FAR1: variants seen among roughly 807,000 people sequenced by gnomAD.
FAR1 encodes the protein fatty acyl-CoA reductase 1.
A neutral mutation model predicts 61.1 loss-of-function variants in FAR1; 22 were observed. The observed-to-expected ratio is 0.36, with a 90% CI of 0.26 to 0.51. FAR1 has a LOEUF of 0.51. FAR1 is among the 20% of genes least tolerant of loss of function. The pLI, the probability that FAR1 is intolerant of heterozygous loss-of-function variation, is 0.95. For synonymous variants in FAR1, 206 were observed against 209.7 expected (o/e 0.98, Z 0.15); for missense variants, 359 against 626.9 (o/e 0.57, Z 4.56).
intron 1 of FAR1, among the ~76,000 whole-genome samples, chr11:13,688,713 T>A (rs1375925866): frequency 1.3e-5 from 2 of 152,224 alleles, no homozygotes; most frequent in African/African-American, 2.4e-5. Flanking sequence ...CAGTATACTA[T>A]TTAATATATA....
At chr11:13,703,059 C>G (rs573427900) in intron 3 of FAR1, among the ~76,000 whole-genome samples, 1 of 152,304 alleles carries the variant, frequency 6.6e-6, no homozygotes, top group Admixed American at 6.5e-5. Flanking sequence ...TTCTGGGAAG[C>G]AATTTTAATG....
chr11:13,728,749 G>T lies in FAR1; in HGVS notation c.1523G>T (p.Arg508Leu). The change falls in exon 12 of 12, where the codon CGA becomes CTA. Residue 508 changes from arginine to leucine, a missense_variant. Arg to Leu is a moderately radical substitution (Grantham distance 102, BLOSUM62 -2). This residue lies in a region of FAR1 where 15 missense variants were observed against 56.5 expected (regional missense o/e 0.27). Coordinates refer to ENST00000354817, the MANE Select transcript of FAR1 (RefSeq NM_032228.6). ...TGTTACAAGTTTTTGTCATACTTCC[G>T]AGCATCCAGCACTATGAGATACTGA... Reference protein sequence around the residue: ...SLCYKFLSYFRASSTMRY With the variant: ...SLCYKFLSYFLASSTMRY The T allele has an allele frequency of 6.2e-7, 1 of 1,611,808 alleles. No individual in the cohort carries two copies. Among genetic ancestry groups the T allele is most frequent in the South Asian group, 1.1e-5 (1 of 91,002 alleles).
At position 13,730,898 on chromosome 11, in the gene FAR1, G is replaced by A. The variant is rs1848717942; in HGVS notation, c.*2124G>A. On this transcript the variant is annotated 3_prime_UTR_variant, in exon 12 of 12. Transcript: ENST00000354817. ...TCTAGAATTTAAAGTTCTAAGATTAGTATAAAGAGTATATAGATTGTTAAT... is the reference window on the plus strand; with the variant it reads ...TCTAGAATTTAAAGTTCTAAGATTAATATAAAGAGTATATAGATTGTTAAT... 6.6e-6 allele frequency: 1 copy of A among 152,080 alleles called. No homozygotes were observed. Among genetic ancestry groups the A allele is most frequent in the African/African-American group, 2.4e-5 (1 of 41,424 alleles). The allele number at this position is 152,080 out of a possible 1,614,324, so 9.4% of individuals were successfully genotyped here. A position where few individuals can be genotyped will look rare whatever the true frequency, so the allele number is the denominator to read the frequency against.
intron 9 of FAR1, among the ~76,000 whole-genome samples, chr11:13,719,379 T>C (rs954642452): frequency 6.6e-6 from 1 of 152,338 alleles, no homozygotes; most frequent in East Asian, 1.9e-4. Flanking sequence ...TCTTATAATT[T>C]ATAATATTTC....
chr11:13,696,524 A>C (rs1848307704), intron 2 of FAR1, among the ~76,000 whole-genome samples: 1 of 152,196 alleles, frequency 6.6e-6, no homozygotes, highest in Non-Finnish European at 1.5e-5. Flanking sequence ...TTCCACACTA[A>C]GCCTAAGAGA....
chr11:13,708,378 A>T (rs1848457156), intron 4 of FAR1, among the ~76,000 whole-genome samples: 1 of 151,208 alleles, frequency 6.6e-6, no homozygotes, highest in Admixed American at 6.6e-5. Flanking sequence ...AAAACAAAAA[A>T]AAAACCTTTG....
chr11:13,683,301 G>A (rs1165758433), intron 1 of FAR1, among the ~76,000 whole-genome samples: 1 of 151,892 alleles, frequency 6.6e-6, no homozygotes, highest in Admixed American at 6.6e-5. Context: ...GTTGAGGTAG[G>A]AGAATTGCTT....
At chr11:13,719,882 A>T (rs1161722893) in intron 9 of FAR1, 1 of 152,196 alleles carries the variant, frequency 6.6e-6, no homozygotes, top group Non-Finnish European at 1.5e-5. Context: ...CTTACTCTAA[A>T]GGATTGTGAT....
In FAR1 at chr11:13,721,568, GAAA is replaced by G; in HGVS notation, c.1128-161_1128-159del. ...TTATAAATTGTTCATCCAAGATGCA[GAAA>G]TAGTCTTATTCCCTGCTGATTTGGT... is the stretch of plus-strand genomic sequence containing the variant. On this transcript the variant is annotated intron_variant, in intron 9 of 11. Transcript: ENST00000354817. The surrounding 1 kb of genome is among the most constrained non-coding windows in gnomAD (Gnocchi z 4.2). 5.3e-6 allele frequency: 3 copies of G among 561,578 alleles called. No individual in the cohort carries two copies. The highest frequency in any genetic ancestry group is 8.9e-6 in the Non-Finnish European group (3 of 336,692). The allele number at this position is 561,578 out of a possible 1,614,324, so 34.8% of individuals were successfully genotyped here.
In FAR1 at chr11:13,710,862, C is replaced by A; in HGVS notation, c.715C>A (p.Pro239Thr). The A allele has an allele frequency of 6.2e-7, 1 of 1,609,216 alleles. No homozygotes were observed. The highest frequency in any genetic ancestry group is 8.5e-7 in the Non-Finnish European group (1 of 1,178,534). ...GATTGTTGGTGCCAGTTGGAAAGAA[C>A]CTTTTCCAGTAAGTTGTTAGAAACC... Reference protein sequence around the residue: ...PSIVGASWKEPFPGWIDNFNG... With the variant: ...PSIVGASWKETFPGWIDNFNG... The change falls in exon 5 of 12, where the codon CCT becomes ACT. Residue 239 changes from proline to threonine, a missense_variant. By Grantham distance (38) the Pro-to-Thr change is conservative. Coordinates refer to ENST00000354817, the MANE Select transcript of FAR1 (RefSeq NM_032228.6).
chr11:13,680,204 GT>G, intron 1 of FAR1, among the ~76,000 whole-genome samples: 1 of 152,234 alleles, frequency 6.6e-6, no homozygotes, highest in Middle Eastern at 3.4e-3. Context: ...TAAATAATTT[GT>G]ACACTTTGGG....
At chr11:13,693,514 G>GTTTAT (rs1848275874) in intron 1 of FAR1, among the ~76,000 whole-genome samples, 1 of 152,170 alleles carries the variant, frequency 6.6e-6, no homozygotes, top group Non-Finnish European at 1.5e-5. Flanking sequence ...TACTAAGCCT[G>GTTTAT]GGAGCCAAAG....
At chr11:13,726,802 T>TA (rs1275846091) in intron 10 of FAR1, among the ~76,000 whole-genome samples, 9 of 151,892 alleles carry the variant, frequency 5.9e-5, no homozygotes, top group African/African-American at 2.2e-4. Flanking sequence ...AAATGTTTCC[T>TA]AAGTCTTCAT....
rs1381044043 is a variant in FAR1 at position 13,731,026 on chromosome 11, T to G, written c.*2252T>G. ...TTTAGTTCTGTTTGATTATATTTCC[T>G]ACACAAACTTCTTATTTAACAGGAT... On this transcript the variant is annotated 3_prime_UTR_variant, in exon 12 of 12. Transcript: ENST00000354817. 1 of 152,194 alleles carries G rather than the reference T, an allele frequency of 6.6e-6. No individual in the cohort carries two copies. Among genetic ancestry groups the G allele is most frequent in the Non-Finnish European group, 1.5e-5 (1 of 68,016 alleles). 9.4% of individuals were successfully genotyped at this position (152,194 alleles called of 1,614,324 possible).
At chr11:13,677,627 G>T (rs113246342) in intron 1 of FAR1, among the ~76,000 whole-genome samples, 81 of 152,294 alleles carry the variant, frequency 5.3e-4, no homozygotes, top group Non-Finnish European at 4.1e-4. Context: ...GGAAAGGCTG[G>T]CTGGGGCTAA....
At chr11:13,709,900 G>T (rs1018405938) in intron 4 of FAR1, among the ~76,000 whole-genome samples, 1 of 151,998 alleles carries the variant, frequency 6.6e-6, no homozygotes, top group Non-Finnish European at 1.5e-5. Context: ...AGTACATAAT[G>T]TATTAGAATC....
At chr11:13,683,811 G>A (rs1005296687) in intron 1 of FAR1, among the ~76,000 whole-genome samples, 6 of 152,136 alleles carry the variant, frequency 3.9e-5, no homozygotes, top group Admixed American at 2.0e-4. Context: ...TTAGGTAGCT[G>A]GATTTAATGG....
At chr11:13,722,369 A>C (rs963270577) in intron 10 of FAR1, among the ~76,000 whole-genome samples, 1 of 151,970 alleles carries the variant, frequency 6.6e-6, no homozygotes, top group Non-Finnish European at 1.5e-5. Context: ...CCTCCTTCTT[A>C]ATAATAATAA....
At chr11:13,707,532 C>T (rs1437438868) in intron 3 of FAR1, among the ~76,000 whole-genome samples, 1 of 152,084 alleles carries the variant, frequency 6.6e-6, no homozygotes, top group Non-Finnish European at 1.5e-5. Flanking sequence ...CCCTGTGGCA[C>T]ATCCATATTA....
Sources: allele counts gnomAD v4.1 joint callset (sites outside exome capture counted in the v4.1 genomes callset), GRCh38; gene constraint gnomAD v4.1.1; regional missense constraint gnomAD v4.1.1; non-coding constraint Gnocchi (gnomAD v3.1); transcripts MANE v1.5; gene names NCBI Gene and HGNC (gene_info 2026-07-23, HGNC 2026-07-21).